SLC25A13: variants seen among roughly 807,000 people sequenced by gnomAD.
SLC25A13 encodes electrogenic aspartate/glutamate antiporter SLC25A13, mitochondrial.
In SLC25A13, 70 loss-of-function variants were observed where a neutral mutation model predicts 85.5. The ratio of observed to expected loss-of-function variants is 0.82; its 90% CI spans 0.68 to 1.00. The LOEUF is 1.00. Ranked by LOEUF, SLC25A13 falls within the 50% of genes least tolerant of loss-of-function variation. SLC25A13 has a pLI of 0.00. For synonymous variants in SLC25A13, 259 were observed against 288.7 expected (o/e 0.90, Z 1.04); for missense variants, 765 against 819.8 (o/e 0.93, Z 0.82).
At chr7:96,149,790 G>A (rs1002055625) in intron 13 of SLC25A13, among the ~76,000 whole-genome samples, 1 of 152,052 alleles carries the variant, frequency 6.6e-6, no homozygotes, top group African/African-American at 2.4e-5. Flanking sequence ...AGCACACTGC[G>A]TGCCGCTCTT....
intron 1 of SLC25A13, among the ~76,000 whole-genome samples, chr7:96,321,525 C>A (rs1584622362): frequency 6.8e-6 from 1 of 146,094 alleles, no homozygotes; most frequent in African/African-American, 2.7e-5. Flanking sequence ...CGGGCTCTGG[C>A]CCCTGGAAGA....
intron 4 of SLC25A13, among the ~76,000 whole-genome samples, chr7:96,232,409 G>T (rs1026950838): frequency 3.3e-5 from 5 of 152,098 alleles, no homozygotes; most frequent in African/African-American, 1.2e-4. Context: ...ACACAGAGAG[G>T]AATAATAGAC....
At position 96,184,963 on chromosome 7, in the gene SLC25A13, ACT is replaced by A. The variant is rs764401478; in HGVS notation, c.980_981del (p.Glu327ValfsTer45). ...SARPVLLQVA[E>X]SAYRFGLGSV... ...GAACCCAGACCAAACCTGTAGGCCG[ACT>A]CTGCAACTTGTAGAAGAACTGGTCG... On this transcript the variant is annotated frameshift_variant, in exon 10 of 18. Coordinates refer to ENST00000265631, the MANE Select transcript of SLC25A13 (RefSeq NM_014251.3). LOFTEE classifies it high-confidence loss of function. 6.2e-7 allele frequency: 1 copy of A among 1,614,170 alleles called. No homozygotes were observed. Among genetic ancestry groups the A allele is most frequent in the Middle Eastern group, 1.6e-4 (1 of 6,062 alleles).
chr7:96,299,530 C>T (rs901273496), intron 1 of SLC25A13, among the ~76,000 whole-genome samples: 1 of 152,170 alleles, frequency 6.6e-6, no homozygotes, highest in Non-Finnish European at 1.5e-5. Flanking sequence ...AGATTAAGTG[C>T]CAATCTGTGC....
At chr7:96,137,847 C>T (rs530026814) in intron 14 of SLC25A13, among the ~76,000 whole-genome samples, 1 of 152,228 alleles carries the variant, frequency 6.6e-6, no homozygotes, top group Admixed American at 6.5e-5. Context: ...ATGGTCCTGA[C>T]CTTTTGACCT....
At position 96,123,168 on chromosome 7, in the gene SLC25A13, T is replaced by A. The variant is rs544295003; in HGVS notation, c.1592-1171A>T. ...TTATAAAATACATCACAATTCTGCATGCAAAAAGCTCACTTTATATCCAGT... is the reference window on the plus strand; with the variant it reads ...TTATAAAATACATCACAATTCTGCAAGCAAAAAGCTCACTTTATATCCAGT... On this transcript the variant is annotated intron_variant, in intron 15 of 17. Coordinates refer to ENST00000265631, the MANE Select transcript of SLC25A13 (RefSeq NM_014251.3). Among the ~76,000 whole-genome samples, 85 of 152,314 alleles carry A rather than the reference T, an allele frequency of 5.6e-4. 1 individual carries two copies. The South Asian group carries it at 0.017, about 31-fold the overall frequency.
intron 15 of SLC25A13, among the ~76,000 whole-genome samples, chr7:96,123,875 T>C (rs929518476): frequency 1.3e-5 from 2 of 152,244 alleles, no homozygotes; most frequent in African/African-American, 4.8e-5. Context: ...TAGATCTGCC[T>C]GCTCTCTTCT....
rs189053591 is a variant in SLC25A13 at position 96,154,593 on chromosome 7, G to C, written c.1312-7897C>G. On this transcript the variant is annotated intron_variant, in intron 13 of 17. Coordinates refer to ENST00000265631, the MANE Select transcript of SLC25A13 (RefSeq NM_014251.3). ...ATTACAGGCGTGAGCCACTGCATCCGGCCGAGTATCTTAAAAAGGTAGATA... is the reference window on the plus strand; with the variant it reads ...ATTACAGGCGTGAGCCACTGCATCCCGCCGAGTATCTTAAAAAGGTAGATA... Among the ~76,000 whole-genome samples, 3 of 152,188 alleles carry C rather than the reference G, an allele frequency of 2.0e-5. No homozygotes were observed. In the East Asian group the frequency reaches 5.8e-4, roughly 29 times the overall value.
intron 4 of SLC25A13, among the ~76,000 whole-genome samples, chr7:96,211,305 G>A (rs1017794390): frequency 6.6e-6 from 1 of 152,044 alleles, no homozygotes; most frequent in Admixed American, 6.6e-5. Flanking sequence ...CTGATGTACT[G>A]AAATCTCCTC....
intron 3 of SLC25A13, among the ~76,000 whole-genome samples, chr7:96,259,857 T>A (rs900776704): frequency 6.6e-6 from 1 of 152,142 alleles, no homozygotes; most frequent in Non-Finnish European, 1.5e-5. Context: ...ATATACACCA[T>A]AGAATACTAT....
intron 5 of SLC25A13, among the ~76,000 whole-genome samples, chr7:96,198,982 A>T (rs894294679): frequency 6.6e-6 from 1 of 152,222 alleles, no homozygotes; most frequent in South Asian, 2.1e-4. Flanking sequence ...AGAAATACAG[A>T]TCTGGGAAAT....
chr7:96,206,143 C>A (rs1302921705), intron 5 of SLC25A13, among the ~76,000 whole-genome samples: 4 of 152,094 alleles, frequency 2.6e-5, no homozygotes, highest in Non-Finnish European at 5.9e-5. Flanking sequence ...TTTGGCTGTC[C>A]CTACGGCTGC....
chr7:96,230,964 A>C (rs1278102925), intron 4 of SLC25A13, among the ~76,000 whole-genome samples: 3 of 152,172 alleles, frequency 2.0e-5, no homozygotes, highest in Non-Finnish European at 2.9e-5. Context: ...ACAAAAAATC[A>C]GCCAGGCATG....
intron 11 of SLC25A13, among the ~76,000 whole-genome samples, chr7:96,176,398 T>C (rs185168219): frequency 5.9e-5 from 9 of 152,330 alleles, no homozygotes; most frequent in Admixed American, 2.6e-4. Context: ...AAAAGAAATT[T>C]ATTAGTGTGG....
intron 15 of SLC25A13, among the ~76,000 whole-genome samples, chr7:96,129,664 A>C (rs1791933009): frequency 6.6e-6 from 1 of 152,352 alleles, no homozygotes; most frequent in African/African-American, 2.4e-5. Flanking sequence ...ATCAGGCACT[A>C]TTTTAATCTT....
intron 4 of SLC25A13, among the ~76,000 whole-genome samples, chr7:96,216,863 A>G (rs1175447794): frequency 6.6e-6 from 1 of 152,172 alleles, no homozygotes; most frequent in Non-Finnish European, 1.5e-5. Flanking sequence ...GTTTACCTAT[A>G]TAATGAACCT....
chr7:96,296,826 G>A (rs1011028811), intron 2 of SLC25A13, 72 bp downstream of exon 2: 1 of 1,431,894 alleles, frequency 7.0e-7, no homozygotes, highest in Admixed American at 1.7e-5. Context: ...ATAAAGAGCT[G>A]TTTGAAAATA....
chr7:96,255,114 T>C (rs1797582648), intron 3 of SLC25A13, among the ~76,000 whole-genome samples: 1 of 152,216 alleles, frequency 6.6e-6, no homozygotes, highest in African/African-American at 2.4e-5. Context: ...TAACTATATA[T>C]ACTTTGTGGA....
At chr7:96,174,920 C>T (rs1434975161) in intron 11 of SLC25A13, among the ~76,000 whole-genome samples, 1 of 152,188 alleles carries the variant, frequency 6.6e-6, no homozygotes, top group African/African-American at 2.4e-5. Context: ...TTACCAAATG[C>T]CTTCTCTGTC....
Sources: gnomAD v4.1 joint callset for allele counts (sites outside exome capture counted in the v4.1 genomes callset) on GRCh38, gnomAD v4.1.1 for gene constraint, MANE v1.5 for transcripts, NCBI Gene and HGNC (gene_info 2026-07-23, HGNC 2026-07-21) for gene names.